Variants in WDPCP observed in about 807,000 individuals in gnomAD.
WDPCP encodes WD repeat-containing and planar cell polarity effector protein fritz homolog.
WDPCP carries 71 observed loss-of-function variants against 93.1 expected under a neutral mutation model. The observed-to-expected ratio is 0.76, with a 90% confidence interval of 0.63 to 0.93. The LOEUF (loss-of-function observed/expected upper bound fraction) is 0.93, where lower values mean the gene tolerates loss of function less well. Among genes scored for constraint, WDPCP ranks in the 40% least tolerant of loss-of-function variants. The pLI is 0.00. For synonymous variants in WDPCP, 315 were observed against 315.0 expected (o/e 1.00, Z 0.00); for missense variants, 844 against 887.4 (o/e 0.95, Z 0.62).
In WDPCP at chr2:63,338,569, AATATATATATATATATATATATATATAT is replaced by A. The variant is rs1159039677; in HGVS notation, c.1749-25286_1749-25259del. On this transcript the variant is annotated intron_variant, in intron 12 of 17. Coordinates refer to ENST00000272321, the MANE Select transcript of WDPCP (RefSeq NM_015910.7). ...CTCCATCTAAAAAAAAAAAAAAAAA[AATATATATATATATATATATATATATAT>A]ATATATATATATATATATATGGATA... Among the ~76,000 whole-genome samples the A allele has an allele frequency of 8.5e-3, 123 of 14,490 alleles. 5 individuals carry two copies. The highest frequency in any genetic ancestry group is 0.013 in the South Asian group (4 of 320). The allele number at this position is 14,490 out of a possible 152,430, so 9.5% of individuals were successfully genotyped here.
chr2:63,788,147 T>C (rs1481518301), intron 2 of WDPCP, among the ~76,000 whole-genome samples: 2 of 152,242 alleles, frequency 1.3e-5, no homozygotes, highest in South Asian at 2.1e-4. Context: ...AGCATATCTG[T>C]AGCTGTATGT....
upstream of WDPCP, chr2:63,593,433 C>T: frequency 5.1e-6 from 2 of 388,782 alleles, no homozygotes; most frequent in East Asian, 7.3e-5. Flanking sequence ...TCTTTGACTT[C>T]TATGAGTGAG....
At chr2:63,218,139 A>C (rs1164148215) in intron 14 of WDPCP, among the ~76,000 whole-genome samples, 53 of 152,186 alleles carry the variant, frequency 3.5e-4, no homozygotes, top group Non-Finnish European at 5.9e-5. Context: ...AAAGCTATAC[A>C]TTTGAATTAC....
At chr2:63,619,444 A>C (rs1013838375) in intron 3 of WDPCP, among the ~76,000 whole-genome samples, 1 of 152,170 alleles carries the variant, frequency 6.6e-6, no homozygotes, top group African/African-American at 2.4e-5. Context: ...CAAAGCTTTC[A>C]TAGATTTTTG....
At position 63,324,278 on chromosome 2, in the gene WDPCP, T is replaced by C. The variant is rs182277530; in HGVS notation, c.1749-10967A>G. Reference sequence around the variant, plus strand: ...AATTTACATCCCCCAGGAGGACCTTTCAGCTTAGTCCCATATCCTAGCCTC... The same window carrying C: ...AATTTACATCCCCCAGGAGGACCTTCCAGCTTAGTCCCATATCCTAGCCTC... On this transcript the variant is annotated intron_variant, in intron 12 of 17. Coordinates refer to ENST00000272321, the MANE Select transcript of WDPCP (RefSeq NM_015910.7). Among the ~76,000 whole-genome samples, 3 of 152,292 alleles carry C rather than the reference T, an allele frequency of 2.0e-5. No homozygotes were observed. The East Asian group carries it at 5.8e-4, about 29-fold the overall frequency.
chr2:63,139,442 A>G (rs945960835), intron 17 of WDPCP, among the ~76,000 whole-genome samples: 1 of 152,226 alleles, frequency 6.6e-6, no homozygotes, highest in Non-Finnish European at 1.5e-5. Flanking sequence ...TCCCACCAGC[A>G]GTGTAGAAGT....
chr2:63,777,179 C>T (rs1262708504), intron 2 of WDPCP, among the ~76,000 whole-genome samples: 9 of 152,174 alleles, frequency 5.9e-5, no homozygotes, highest in Non-Finnish European at 1.0e-4. Flanking sequence ...ATATTGTACT[C>T]CATAAATATG....
At chr2:63,356,207 C>G (rs1321417211) in intron 12 of WDPCP, among the ~76,000 whole-genome samples, 1 of 152,170 alleles carries the variant, frequency 6.6e-6, no homozygotes, top group East Asian at 1.9e-4. Flanking sequence ...GTAAAGGATT[C>G]AATTCCACAA....
chr2:63,219,452 T>C (rs991077177), intron 14 of WDPCP, among the ~76,000 whole-genome samples: 5 of 152,208 alleles, frequency 3.3e-5, no homozygotes, highest in Non-Finnish European at 7.3e-5. Flanking sequence ...TGCAACCATA[T>C]CAGTGTTTGA....
intron 1 of WDPCP, among the ~76,000 whole-genome samples, chr2:63,521,836 G>A (rs1014319462): frequency 2.0e-5 from 3 of 151,954 alleles, no homozygotes; most frequent in African/African-American, 7.3e-5. Context: ...CCACACTCTC[G>A]GGCCACAGCG....
At chr2:63,839,660 T>C in the WDPCP span, among the ~76,000 whole-genome samples, 1 of 152,256 alleles carries the variant, frequency 6.6e-6, no homozygotes, top group Non-Finnish European at 1.5e-5. Flanking sequence ...CTTTCGGTAG[T>C]ATTTTATTTT....
intron 13 of WDPCP, among the ~76,000 whole-genome samples, chr2:63,311,401 C>T (rs1400688): frequency 0.8 from 121,866 of 152,124 alleles, 49,674 homozygotes; most frequent in East Asian, 0.96. Flanking sequence ...TACATGGAAC[C>T]TTAAATGTAT....
chr2:63,330,894 G>A (rs1375761708), intron 12 of WDPCP, among the ~76,000 whole-genome samples: 6 of 142,078 alleles, frequency 4.2e-5, no homozygotes, highest in South Asian at 4.5e-4. Context: ...TTTTTGAGAC[G>A]GGGTCTTGCT....
At chr2:63,433,071 A>G (rs1433995247) in intron 9 of WDPCP, among the ~76,000 whole-genome samples, 3 of 152,210 alleles carry the variant, frequency 2.0e-5, no homozygotes, top group Non-Finnish European at 4.4e-5. Flanking sequence ...GAATTCTGTA[A>G]CCAAAGTACT....
intron 1 of WDPCP, among the ~76,000 whole-genome samples, chr2:63,567,522 C>T (rs372596303): frequency 3.3e-5 from 5 of 152,202 alleles, no homozygotes; most frequent in East Asian, 1.9e-4. Flanking sequence ...GCCCCCAATA[C>T]GCCAGGCTCT....
intron 14 of WDPCP, among the ~76,000 whole-genome samples, chr2:63,252,121 G>T (rs1162767284): frequency 6.6e-6 from 1 of 152,150 alleles, no homozygotes; most frequent in African/African-American, 2.4e-5. Flanking sequence ...GGGATGCAAG[G>T]TTGGTTCAAC....
chr2:63,704,727 G>A lies in WDPCP; in HGVS notation n.309-53889C>T, dbSNP rs189804595. ...GTATTTTATTGAGGATTTTTGCATCGATGTTCATCAAGGATATTGGTCTAA... is the reference window on the plus strand; with the variant it reads ...GTATTTTATTGAGGATTTTTGCATCAATGTTCATCAAGGATATTGGTCTAA... On this transcript the variant is annotated intron_variant and non_coding_transcript_variant, in intron 2 of 4. Transcript: ENST00000467687. Among the ~76,000 whole-genome samples the A allele has an allele frequency of 2.7e-3, 414 of 152,234 alleles. 1 individual carries two copies. The highest frequency in any genetic ancestry group is 4.3e-3 in the Non-Finnish European group (290 of 68,018).
At chr2:63,171,390 T>C (rs1028390092) in intron 15 of WDPCP, among the ~76,000 whole-genome samples, 3 of 152,198 alleles carry the variant, frequency 2.0e-5, no homozygotes, top group East Asian at 1.9e-4. Flanking sequence ...CAAATTTGAA[T>C]AGCTATAACA....
intron 12 of WDPCP, among the ~76,000 whole-genome samples, chr2:63,366,077 C>T (rs1922422): frequency 0.55 from 83,193 of 151,880 alleles, 23,245 homozygotes; most frequent in Admixed American, 0.63. Flanking sequence ...CTTAAAAGTA[C>T]GAGGAAATCT....
Sources: allele counts gnomAD v4.1 joint callset (sites outside exome capture counted in the v4.1 genomes callset), GRCh38; gene constraint gnomAD v4.1.1; transcripts MANE v1.5; gene names NCBI Gene and HGNC (gene_info 2026-07-23, HGNC 2026-07-21).